DBN1: variants seen among roughly 807,000 people sequenced by gnomAD.
DBN1 encodes the protein drebrin 1.
DBN1 carries 21 observed loss-of-function variants against 83.5 expected under a neutral mutation model. The ratio of observed to expected loss-of-function variants is 0.25; its 90% confidence interval spans 0.18 to 0.36. DBN1 has a LOEUF of 0.36. DBN1 is among the 10% of genes least tolerant of loss of function. The pLI is 1.00. For missense variants in DBN1, 874 were observed against 935.7 expected, an observed-to-expected ratio of 0.93 and a Z score of 0.86; for synonymous variants, 381 against 384.9, an observed-to-expected ratio of 0.99 and a Z score of 0.12.
intron 11 of DBN1, among the ~76,000 whole-genome samples, 167 bp from the exon 12 acceptor site, chr5:177,459,435 G>A (rs1303437290): frequency 6.6e-6 from 1 of 151,864 alleles, no homozygotes; most frequent in Admixed American, 6.6e-5. Context: ...TGTAAGCTAG[G>A]CCCCTGGAGG....
chr5:177,467,251 A>G lies in DBN1; in HGVS notation c.555+4T>C. 6.2e-7 allele frequency: 1 copy of G among 1,614,060 alleles called. No homozygotes were observed. The highest frequency in any genetic ancestry group is 8.5e-7 in the Non-Finnish European group (1 of 1,179,970). On this transcript the variant is annotated splice_donor_region_variant and intron_variant, in intron 6 of 14. Transcript: ENST00000393565. This position sits in a 1 kb window ranked among gnomAD's most constrained non-coding sequence, Gnocchi z 9.1. ...TCAGCCAGGCCGGGCTCAGGGTTCC[A>G]TACCTTGGCCTGCTCCCAGAACTGC...
At chr5:177,468,776 G>A in intron 2 of DBN1, 68 bp downstream of exon 2, 1 of 1,119,428 alleles carries the variant, frequency 8.9e-7, no homozygotes. Flanking sequence ...ACAGCCAGGT[G>A]GGTGGGGAAG....
At chr5:177,469,031 T>C in intron 1 of DBN1, 132 bp from the exon 2 acceptor site, 1 of 501,014 alleles carries the variant, frequency 2.0e-6, no homozygotes, top group Non-Finnish European at 3.5e-6. Context: ...GCTGTAGCCA[T>C]GACAACAGGG....
chr5:177,468,460 T>C, intron 2 of DBN1: 1 of 569,076 alleles, frequency 1.8e-6, no homozygotes, highest in Non-Finnish European at 3.1e-6. Context: ...AGGAAGTGTT[T>C]GTTCTTCACA....
intron 8 of DBN1, among the ~76,000 whole-genome samples, chr5:177,463,971 C>T (rs967144632): frequency 1.8e-4 from 27 of 149,330 alleles, no homozygotes; most frequent in Non-Finnish European, 2.4e-4. Flanking sequence ...AAACATTAGC[C>T]GGGCATGGAG....
intron 1 of DBN1, chr5:177,472,528 G>A: frequency 1.3e-6 from 1 of 747,922 alleles, no homozygotes; most frequent in Non-Finnish European, 1.8e-6. Context: ...CCCCAGCTCA[G>A]CGGGAGACAA....
Position 177,466,671 on chromosome 5 carries a change from C to A in DBN1, c.771+101G>T, listed in dbSNP as rs1581730357. On this transcript the variant is annotated intron_variant, in intron 8 of 14. Coordinates refer to ENST00000393565, the MANE Select transcript of DBN1 (RefSeq NM_001363541.2). This position sits in a 1 kb window ranked among gnomAD's most constrained non-coding sequence, Gnocchi z 4.8. ...CCCATGCAGCTCCCCAGAACAGCCA[C>A]CACTGTCCCTGAGCCACTGATCTCC... The A allele has an allele frequency of 2.2e-6, 3 of 1,372,652 alleles. No homozygotes were observed. In the East Asian group the frequency reaches 6.9e-5, roughly 31 times the overall value. 85.0% of individuals were successfully genotyped at this position (1,372,652 alleles called of 1,614,324 possible). A position where few individuals can be genotyped will look rare whatever the true frequency, so the allele number is the denominator to read the frequency against.
At position 177,468,821 on chromosome 5, in the gene DBN1, G is replaced by A. The variant is rs200289848; in HGVS notation, c.142+23C>T. ...AGGAGGAGGGGGTGGAGAAGGCGGCGAGGGAATGGCTGGAATTCCTACCTC... is the reference window on the plus strand; with the variant it reads ...AGGAGGAGGGGGTGGAGAAGGCGGCAAGGGAATGGCTGGAATTCCTACCTC... On this transcript the variant is annotated intron_variant, in intron 2 of 14. Coordinates refer to ENST00000393565, the MANE Select transcript of DBN1 (RefSeq NM_001363541.2). The A allele has an allele frequency of 6.7e-5, 89 of 1,320,256 alleles. No homozygotes were observed. In the Admixed American group the frequency reaches 1.9e-3, roughly 28 times the overall value. 81.8% of individuals were successfully genotyped at this position (1,320,256 alleles called of 1,614,324 possible).
At chr5:177,469,960 A>G (rs1351964957) in intron 1 of DBN1, among the ~76,000 whole-genome samples, 1 of 152,154 alleles carries the variant, frequency 6.6e-6, no homozygotes, top group African/African-American at 2.4e-5. Flanking sequence ...GGGAGAAGAG[A>G]AAGAGGAGGG....
chr5:177,464,097 A>G (rs1757236033), intron 8 of DBN1, among the ~76,000 whole-genome samples: 1 of 151,376 alleles, frequency 6.6e-6, no homozygotes, highest in African/African-American at 2.4e-5. Context: ...CCTGGGGGAC[A>G]AGAGTGAGAC....
intron 2 of DBN1, 118 bp from the exon 3 acceptor site, chr5:177,468,338 G>GA: frequency 3.7e-6 from 3 of 812,978 alleles, no homozygotes; most frequent in Non-Finnish European, 6.1e-6. Flanking sequence ...GGGTCTTCTG[G>GA]CCTCTGGGGT....
At chr5:177,462,298 C>T (rs1757108460) in intron 8 of DBN1, 1 of 985,458 alleles carries the variant, frequency 1.0e-6, no homozygotes, top group Admixed American at 6.1e-5. Flanking sequence ...CACCCGTTCC[C>T]ACCTCCAAGC....
In DBN1 at chr5:177,472,699, C is replaced by G. The variant is rs1757937494; in HGVS notation, c.86+737G>C. The G allele has an allele frequency of 3.9e-6, 3 of 764,410 alleles. No individual in the cohort carries two copies. In the African/African-American group the frequency reaches 5.8e-5, roughly 15 times the overall value. The allele number at this position is 764,410 out of a possible 1,614,324, so 47.4% of individuals were successfully genotyped here. ...CTTCCTCCCAGGGATCTCAGCTGGC[C>G]CCTTAGGCAGCTCGGTGCCCCCCAG... On this transcript the variant is annotated intron_variant, in intron 1 of 14. Coordinates refer to ENST00000393565, the MANE Select transcript of DBN1 (RefSeq NM_001363541.2).
Position 177,467,471 on chromosome 5 carries a change from A to C in DBN1, c.477+10T>G. On this transcript the variant is annotated intron_variant, in intron 5 of 14. Transcript: ENST00000393565. The surrounding 1 kb of genome is among the most constrained non-coding windows in gnomAD (Gnocchi z 9.1). Reference sequence around the variant, plus strand: ...CAGGCAGAGCCCACGGGTGCCAAACACACACTAACCACGGGCTCTGCGTTC... The same window carrying C: ...CAGGCAGAGCCCACGGGTGCCAAACCCACACTAACCACGGGCTCTGCGTTC... The C allele has an allele frequency of 6.2e-7, 1 of 1,603,904 alleles. No individual in the cohort carries two copies. The highest frequency in any genetic ancestry group is 8.5e-7 in the Non-Finnish European group (1 of 1,174,184).
intron 1 of DBN1, among the ~76,000 whole-genome samples, chr5:177,471,281 C>CT (rs1297297969): frequency 6.6e-6 from 1 of 152,048 alleles, no homozygotes; most frequent in Non-Finnish European, 1.5e-5. Flanking sequence ...GGCCCAATCC[C>CT]TTTTCTTTCC....
At position 177,466,672 on chromosome 5, in the gene DBN1, C is replaced by A; in HGVS notation, c.771+100G>T. The A allele has an allele frequency of 1.5e-6, 2 of 1,377,314 alleles. No individual in the cohort carries two copies. The highest frequency in any genetic ancestry group is 1.7e-5 in the Admixed American group (1 of 59,618). The allele number at this position is 1,377,314 out of a possible 1,614,324, so 85.3% of individuals were successfully genotyped here. A position where few individuals can be genotyped will look rare whatever the true frequency, so the allele number is the denominator to read the frequency against. On this transcript the variant is annotated intron_variant, in intron 8 of 14. Transcript: ENST00000393565. The surrounding 1 kb of genome is among the most constrained non-coding windows in gnomAD (Gnocchi z 4.8). ...CCATGCAGCTCCCCAGAACAGCCAC[C>A]ACTGTCCCTGAGCCACTGATCTCCC...
At position 177,467,249 on chromosome 5, in the gene DBN1, C is replaced by T; in HGVS notation, c.555+6G>A. 1 of 1,614,128 alleles carries T rather than the reference C, an allele frequency of 6.2e-7. No homozygotes were observed. The highest frequency in any genetic ancestry group is 8.5e-7 in the Non-Finnish European group (1 of 1,179,974). ...GCTCAGCCAGGCCGGGCTCAGGGTT[C>T]CATACCTTGGCCTGCTCCCAGAACT... On this transcript the variant is annotated splice_donor_region_variant and intron_variant, in intron 6 of 14. Transcript: ENST00000393565. This position sits in a 1 kb window ranked among gnomAD's most constrained non-coding sequence, Gnocchi z 9.1.
chr5:177,467,262 T>C lies in DBN1; in HGVS notation c.548A>G (p.Gln183Arg). The C allele has an allele frequency of 6.2e-7, 1 of 1,614,172 alleles. No individual in the cohort carries two copies. Among genetic ancestry groups the C allele is most frequent in the Non-Finnish European group, 8.5e-7 (1 of 1,180,006 alleles). ...KRINREQFWE[Q>R]AKKEEELRKE... ...GGGCTCAGGGTTCCATACCTTGGCC[T>C]GCTCCCAGAACTGCTCTCGGTTAAT... Residue 183 changes from glutamine (Q) to arginine (R), a missense_variant, in exon 6 of 15, where the codon CAG becomes CGG. Coordinates refer to ENST00000393565, the MANE Select transcript of DBN1 (RefSeq NM_001363541.2). The surrounding 1 kb of genome is among the most constrained non-coding windows in gnomAD (Gnocchi z 9.1).
At chr5:177,462,073 C>G (rs1240965059) in intron 8 of DBN1, among the ~76,000 whole-genome samples, 1 of 152,156 alleles carries the variant, frequency 6.6e-6, no homozygotes, top group Admixed American at 6.5e-5. Context: ...CGCTCACCCC[C>G]GGCCCCACCA....
Sources: allele counts gnomAD v4.1 joint callset (sites outside exome capture counted in the v4.1 genomes callset), GRCh38; gene constraint gnomAD v4.1.1; non-coding constraint Gnocchi (gnomAD v3.1); transcripts MANE v1.5; gene names NCBI Gene and HGNC (gene_info 2026-07-23, HGNC 2026-07-21).